Variants in TIA1 observed in about 807,000 individuals in gnomAD.
TIA1 encodes the protein TIA1 cytotoxic granule associated RNA binding protein.
Under a neutral mutation model 65.9 loss-of-function variants are expected in TIA1, and 23 were observed. That is an observed-to-expected ratio of 0.35 (90% CI 0.25 to 0.49). The LOEUF is 0.49. TIA1 is among the 20% of genes least tolerant of loss of function. The pLI is 0.98. For synonymous variants in TIA1, 147 were observed against 149.4 expected (o/e 0.98, Z 0.12); for missense variants, 371 against 477.9 (o/e 0.78, Z 2.09).
chr2:70,230,952 C>G (rs1685999649), intron 2 of TIA1, 98 bp from the exon 3 acceptor site: 1 of 818,702 alleles, frequency 1.2e-6, no homozygotes, highest in African/African-American at 1.8e-5. Flanking sequence ...TTTTATACAT[C>G]TAAGTTATCA....
At chr2:70,230,053 C>G (rs1225159168) in intron 3 of TIA1, among the ~76,000 whole-genome samples, 1 of 151,576 alleles carries the variant, frequency 6.6e-6, no homozygotes, top group African/African-American at 2.4e-5. Context: ...ACCATCCTGG[C>G]CAACACGGTG....
Position 70,209,657 on chromosome 2 carries a change from T to C in TIA1, c.*3062A>G, listed in dbSNP as rs1387480656. On this transcript the variant is annotated 3_prime_UTR_variant, in exon 13 of 13. Transcript: ENST00000433529. ...AATGAATTGAGTTCCTTCTAGGAGTTGTTTATCCCTGCTCATGCTTAAGAT... is the reference window on the plus strand; with the variant it reads ...AATGAATTGAGTTCCTTCTAGGAGTCGTTTATCCCTGCTCATGCTTAAGAT... 1 of 398,268 alleles carries C rather than the reference T, an allele frequency of 2.5e-6. No individual in the cohort carries two copies. Among genetic ancestry groups the C allele is most frequent in the African/African-American group, 2.1e-5 (1 of 48,620 alleles). 24.7% of individuals were successfully genotyped at this position (398,268 alleles called of 1,614,324 possible).
chr2:70,241,201 C>A (rs1389308795), intron 1 of TIA1, among the ~76,000 whole-genome samples: 2 of 152,104 alleles, frequency 1.3e-5, no homozygotes, highest in Non-Finnish European at 2.9e-5. Context: ...AATCCTAGCA[C>A]TTTGGGAGAC....
chr2:70,222,091 T>C (rs1681659010), intron 7 of TIA1, among the ~76,000 whole-genome samples: 1 of 152,054 alleles, frequency 6.6e-6, no homozygotes, highest in Admixed American at 6.6e-5. Flanking sequence ...CACTGTATAC[T>C]TGAATTATAT....
intron 7 of TIA1, among the ~76,000 whole-genome samples, chr2:70,224,164 C>G (rs150781998): frequency 2.6e-5 from 4 of 152,116 alleles, no homozygotes; most frequent in African/African-American, 7.2e-5. Context: ...GTGATCCACC[C>G]GCCTCAGCCT....
chr2:70,219,804 T>G (rs1241874346), intron 7 of TIA1, among the ~76,000 whole-genome samples: 1 of 148,702 alleles, frequency 6.7e-6, no homozygotes, highest in Non-Finnish European at 1.5e-5. Context: ...TTCTAACTCC[T>G]GGGCTCAAGC....
At chr2:70,214,763 T>C (rs1309542351) in intron 11 of TIA1, among the ~76,000 whole-genome samples, 3 of 152,204 alleles carry the variant, frequency 2.0e-5, no homozygotes, top group Non-Finnish European at 2.9e-5. Flanking sequence ...TAGTAATAAA[T>C]GTTAAACTTA....
rs143848394 is a variant in TIA1, at chr2:70,241,561, G to A, written c.27-5386C>T. ...TCTTCCTCTTCCTGAGTGTGAGCTA[G>A]CCTCGGTGACTTACTTCTAACCAAC... is the stretch of plus-strand genomic sequence containing the variant. On this transcript the variant is annotated intron_variant, in intron 1 of 12. Transcript: ENST00000433529. 4.0e-3 allele frequency among the ~76,000 whole-genome samples: 602 copies of A among 152,284 alleles called. 4 individuals are homozygous for A. Among genetic ancestry groups the A allele is most frequent in the African/African-American group, 0.014 (564 of 41,548 alleles).
chr2:70,246,986 A>C (rs1694663973), intron 1 of TIA1, among the ~76,000 whole-genome samples: 1 of 152,222 alleles, frequency 6.6e-6, no homozygotes, highest in African/African-American at 2.4e-5. Context: ...TTTCAAACTA[A>C]TACTGAGAAT....
intron 1 of TIA1, among the ~76,000 whole-genome samples, chr2:70,241,161 T>G (rs1050169223): frequency 3.3e-5 from 5 of 151,846 alleles, no homozygotes; most frequent in Admixed American, 1.3e-4. Context: ...AAAAATTGGT[T>G]TTGGGACAGG....
chr2:70,247,053 T>TCATAGCTA (rs772253332), intron 1 of TIA1, among the ~76,000 whole-genome samples: 10 of 152,190 alleles, frequency 6.6e-5, no homozygotes, highest in Non-Finnish European at 1.0e-4. Context: ...CTGATGACTG[T>TCATAGCTA]CATAGCTAAG....
rs1277186814 is a variant in TIA1 at position 70,216,220 on chromosome 2, T to C, written c.752A>G (p.Tyr251Cys). The C allele has an allele frequency of 1.3e-6, 2 of 1,585,000 alleles. No homozygotes were observed. Among genetic ancestry groups the C allele is most frequent in the Non-Finnish European group, 1.7e-6 (2 of 1,171,634 alleles). The change falls in exon 10 of 13, where the codon TAT becomes TGT. Residue 251 changes from tyrosine to cysteine, a missense_variant. Transcript: ENST00000433529. ...AAACCATCCCTACCGAACAAATGAA[T>C]ATCCTTTATCTGGAAAGACTCGAAT... ...MEIRVFPDKG[Y>C]SFVRFNSHES...
At chr2:70,221,788 T>TA (rs574092634) in intron 7 of TIA1, among the ~76,000 whole-genome samples, 15 of 142,654 alleles carry the variant, frequency 1.1e-4, no homozygotes, top group African/African-American at 2.5e-4. Context: ...TTGTATACTT[T>TA]AAAAAAAAAA....
At chr2:70,230,961 C>G (rs1229795512) in intron 2 of TIA1, 107 bp from the exon 3 acceptor site, 1 of 753,096 alleles carries the variant, frequency 1.3e-6, no homozygotes, top group Non-Finnish European at 2.2e-6. Flanking sequence ...TCTAAGTTAT[C>G]AGGCCATGGA....
chr2:70,214,010 G>A (rs535875806), intron 12 of TIA1, among the ~76,000 whole-genome samples: 2 of 152,218 alleles, frequency 1.3e-5, no homozygotes, highest in South Asian at 2.1e-4. Context: ...TTTCAGAAAT[G>A]TAAGTAAAAT....
At position 70,212,658 on chromosome 2, in the gene TIA1, AACGGCTTTACT is replaced by A; in HGVS notation, c.*50_*60del. 1.0e-6 allele frequency: 1 copy of A among 992,392 alleles called. No individual in the cohort carries two copies. Among genetic ancestry groups the A allele is most frequent in the Non-Finnish European group, 1.6e-6 (1 of 615,514 alleles). The allele number at this position is 992,392 out of a possible 1,614,324, so 61.5% of individuals were successfully genotyped here. A position where few individuals can be genotyped will look rare whatever the true frequency, so the allele number is the denominator to read the frequency against. ...TGATTTGATAAATCTTTAAGTAAAC[AACGGCTTTACT>A]ACACTCCCTGTAGCCTCAAGCCACT... On this transcript the variant is annotated 3_prime_UTR_variant, in exon 13 of 13. Coordinates refer to ENST00000433529, the MANE Select transcript of TIA1 (RefSeq NM_022173.4).
At chr2:70,227,884 T>C in intron 5 of TIA1, 62 bp from the exon 6 acceptor site, 1 of 1,124,536 alleles carries the variant, frequency 8.9e-7, no homozygotes, top group Non-Finnish European at 1.3e-6. Context: ...TAAAAAGTAC[T>C]AAAATCTATC....
chr2:70,213,529 T>G (rs1358942383), intron 12 of TIA1, among the ~76,000 whole-genome samples: 2 of 151,996 alleles, frequency 1.3e-5, no homozygotes, highest in South Asian at 2.1e-4. Context: ...TTGTACCTTT[T>G]GTAGAGATGA....
intron 7 of TIA1, among the ~76,000 whole-genome samples, chr2:70,217,687 G>C (rs1042554907): frequency 1.3e-5 from 2 of 152,010 alleles, no homozygotes; most frequent in African/African-American, 4.8e-5. Context: ...GTGAGCCACT[G>C]TGCCCGGCCC....
Sources: allele counts gnomAD v4.1 joint callset (sites outside exome capture counted in the v4.1 genomes callset), GRCh38; gene constraint gnomAD v4.1.1; transcripts MANE v1.5; gene names NCBI Gene and HGNC (gene_info 2026-07-23, HGNC 2026-07-21).